LYRM4: variants seen among roughly 807,000 people sequenced by gnomAD.
LYRM4 encodes the protein LYR motif-containing protein 4.
Under a neutral mutation model 11.7 loss-of-function variants are expected in LYRM4, and 9 were observed. The ratio of observed to expected loss-of-function variants is 0.77; its 90% CI spans 0.46 to 1.34. LYRM4 has a LOEUF of 1.34. Ranked by LOEUF, LYRM4 falls within the 40% of genes most tolerant of loss-of-function variation. The probability of loss-of-function intolerance (pLI) is 0.00; values close to 1 mark genes in which losing one functional copy is unlikely to be tolerated. For synonymous variants in LYRM4, 42 were observed against 40.4 expected, an observed-to-expected ratio of 1.04 and a Z score of -0.15; for missense variants, 133 against 112.5, an observed-to-expected ratio of 1.18 and a Z score of -0.82.
chr6:5,195,637 T>TCAAAA lies in LYRM4; in HGVS notation c.207+20976_207+20980dup, dbSNP rs1324695172. On this transcript the variant is annotated intron_variant, in intron 2 of 2. Transcript: ENST00000330636. ...TGACAAAGTGAGAGACCCTGTCTCA[T>TCAAAA]CAAAACAAAACAAAACAAAGAACCC... Among the ~76,000 whole-genome samples the TCAAAA allele has an allele frequency of 5.3e-5, 8 of 151,908 alleles. No individual in the cohort carries two copies. The East Asian group carries it at 9.7e-4, about 18-fold the overall frequency.
intron 2 of LYRM4, among the ~76,000 whole-genome samples, chr6:5,167,891 G>A (rs409993): frequency 0.83 from 126,160 of 151,942 alleles, 52,887 homozygotes; most frequent in African/African-American, 0.95. Context: ...AATAACTATT[G>A]CATCTTATAC....
At chr6:5,248,881 C>T (rs972427848) in intron 1 of LYRM4, among the ~76,000 whole-genome samples, 1 of 152,232 alleles carries the variant, frequency 6.6e-6, no homozygotes, top group African/African-American at 2.4e-5. Context: ...AACAATGAGT[C>T]TGGCGCAAGG....
intron 2 of LYRM4, chr6:5,136,807 T>C: frequency 2.0e-6 from 2 of 985,436 alleles, no homozygotes; most frequent in Non-Finnish European, 2.4e-6. Context: ...GAAGAAACTC[T>C]GGTCTCTTCC....
chr6:5,226,329 C>T lies in LYRM4; in HGVS notation c.87-9591G>A, dbSNP rs182879994. Reference sequence around the variant, plus strand: ...TTTTCATGTTTAACTCTGGTCTTTCCGGAGTTTGTTTTGGTGGAAGTTGTT... The same window carrying T: ...TTTTCATGTTTAACTCTGGTCTTTCTGGAGTTTGTTTTGGTGGAAGTTGTT... On this transcript the variant is annotated intron_variant, in intron 1 of 2. Coordinates refer to ENST00000330636, the MANE Select transcript of LYRM4 (RefSeq NM_020408.6). 3.3e-5 allele frequency among the ~76,000 whole-genome samples: 5 copies of T among 152,212 alleles called. No individual in the cohort carries two copies. The East Asian group carries it at 5.8e-4, about 18-fold the overall frequency.
At chr6:5,115,432 T>C (rs1433098055) in intron 2 of LYRM4, among the ~76,000 whole-genome samples, 2 of 152,230 alleles carry the variant, frequency 1.3e-5, no homozygotes, top group African/African-American at 4.8e-5. Context: ...CCGTATTCTC[T>C]ATGCGGCGGC....
rs150086709 is a variant in LYRM4 at position 5,187,422 on chromosome 6, T to G, written c.207+29196A>C. Among the ~76,000 whole-genome samples the G allele has an allele frequency of 4.3e-4, 65 of 152,288 alleles. 3 individuals are homozygous for G. The East Asian group carries it at 0.012, about 28-fold the overall frequency. ...AAACGTCCATCATTAAGTGGCTAAT[T>G]AGATAGATTACAGCATGTCCACACT... is the stretch of plus-strand genomic sequence containing the variant. On this transcript the variant is annotated intron_variant, in intron 2 of 2. Coordinates refer to ENST00000330636, the MANE Select transcript of LYRM4 (RefSeq NM_020408.6).
chr6:5,110,520 GTATC>G (rs1354277645), intron 2 of LYRM4, among the ~76,000 whole-genome samples: 1 of 152,164 alleles, frequency 6.6e-6, no homozygotes, highest in African/African-American at 2.4e-5. Flanking sequence ...TTGCACAGAG[GTATC>G]TTGAAGGTCC....
chr6:5,068,368 C>G, the LYRM4 span, among the ~76,000 whole-genome samples: 2 of 152,318 alleles, frequency 1.3e-5, no homozygotes, highest in African/African-American at 4.8e-5. The surrounding 1 kb of genome is among the most constrained non-coding windows in gnomAD (Gnocchi z 4.0). Flanking sequence ...GCCAGCACGC[C>G]GGCCCCTCAC....
chr6:5,055,428 G>A, the LYRM4 span, among the ~76,000 whole-genome samples: 2 of 152,228 alleles, frequency 1.3e-5, no homozygotes, highest in African/African-American at 4.8e-5. This position sits in a 1 kb window ranked among gnomAD's most constrained non-coding sequence, Gnocchi z 4.5. Flanking sequence ...GGGAGTAAGA[G>A]TAGGCCAAAG....
At chr6:5,193,562 T>C (rs1007161177) in intron 2 of LYRM4, among the ~76,000 whole-genome samples, 2 of 152,340 alleles carry the variant, frequency 1.3e-5, no homozygotes, top group African/African-American at 2.4e-5. Flanking sequence ...CAGGGAATCT[T>C]GGAGAAGTCA....
the LYRM4 span, among the ~76,000 whole-genome samples, chr6:5,064,918 G>T: frequency 1.3e-5 from 2 of 151,960 alleles, no homozygotes; most frequent in East Asian, 3.9e-4. Context: ...TTACATCAAG[G>T]CTTAGTCTCG....
chr6:5,198,776 C>A (rs1441973004), intron 2 of LYRM4, among the ~76,000 whole-genome samples: 2 of 152,206 alleles, frequency 1.3e-5, no homozygotes, highest in Admixed American at 1.3e-4. Context: ...GCTGTCTTAA[C>A]CTTCCTTAAA....
chr6:5,086,155 C>T, the LYRM4 span: 1 of 1,520,776 alleles, frequency 6.6e-7, no homozygotes, highest in East Asian at 2.5e-5. Flanking sequence ...GGAGCGCGTG[C>T]AGTGCTCGAC....
intron 2 of LYRM4, chr6:5,144,119 A>C: frequency 2.6e-6 from 4 of 1,535,994 alleles, no homozygotes; most frequent in Non-Finnish European, 3.5e-6. Context: ...TGATGTGACC[A>C]CATAGTCAGA....
chr6:5,252,437 C>G (rs545697821), intron 1 of LYRM4, among the ~76,000 whole-genome samples: 1 of 152,270 alleles, frequency 6.6e-6, no homozygotes, highest in African/African-American at 2.4e-5. Flanking sequence ...TTAGCTCAGT[C>G]CAACACTTCA....
At chr6:5,235,725 T>C (rs1189212375) in intron 1 of LYRM4, among the ~76,000 whole-genome samples, 1 of 152,224 alleles carries the variant, frequency 6.6e-6, no homozygotes, top group African/African-American at 2.4e-5. Flanking sequence ...TTCAAATTCT[T>C]TAAACAGAAA....
At chr6:5,192,722 G>A (rs559629753) in intron 2 of LYRM4, among the ~76,000 whole-genome samples, 11 of 152,320 alleles carry the variant, frequency 7.2e-5, no homozygotes, top group African/African-American at 2.6e-4. Context: ...TGTGTATTCC[G>A]TTGTATCCAA....
intron 2 of LYRM4, among the ~76,000 whole-genome samples, chr6:5,175,972 T>G (rs1021348307): frequency 2.0e-5 from 3 of 152,186 alleles, no homozygotes; most frequent in African/African-American, 7.2e-5. Context: ...TGTTACAGTC[T>G]TCCCAGCTAT....
chr6:5,179,065 CAAAA>C lies in LYRM4; in HGVS notation c.207+37549_207+37552del, dbSNP rs58749743. Among the ~76,000 whole-genome samples, 366 of 103,888 alleles carry C rather than the reference CAAAA, an allele frequency of 3.5e-3. 1 individual carries two copies. Among genetic ancestry groups the C allele is most frequent in the African/African-American group, 8.6e-3 (215 of 25,012 alleles). 68.2% of individuals were successfully genotyped at this position (103,888 alleles called of 152,430 possible). A position where few individuals can be genotyped will look rare whatever the true frequency, so the allele number is the denominator to read the frequency against. ...GCCAAAAACAAACAAACCAAAAAAA[CAAAA>C]AAAAAAAAAAAAAAAAAAAAGAAAG... On this transcript the variant is annotated intron_variant, in intron 2 of 2. Transcript: ENST00000330636.
Sources: gnomAD v4.1 joint callset for allele counts (sites outside exome capture counted in the v4.1 genomes callset) on GRCh38, gnomAD v4.1.1 for gene constraint, Gnocchi (gnomAD v3.1) non-coding constraint, MANE v1.5 for transcripts, NCBI Gene and HGNC (gene_info 2026-07-23, HGNC 2026-07-21) for gene names.